The following CHODL variants were observed in gnomAD, a reference collection of about 807,000 sequenced individuals.
The protein encoded by CHODL is transmembrane protein MT75.
In CHODL, 29 loss-of-function variants were observed where a neutral mutation model predicts 34.5. The ratio of observed to expected loss-of-function variants is 0.84; its 90% CI spans 0.63 to 1.15. CHODL has a LOEUF of 1.15. CHODL is among the 50% of genes most tolerant of loss of function. The probability of loss-of-function intolerance (pLI) is 0.00; values close to 1 mark genes in which losing one functional copy is unlikely to be tolerated. For missense variants in CHODL, 332 were observed against 332.5 expected (o/e 1.00, Z 0.01); for synonymous variants, 125 against 116.1 (o/e 1.08, Z -0.49).
rs147138095 is a variant in CHODL, at chr21:17,994,808, G to A, written c.-144-33064G>A. On this transcript the variant is annotated intron_variant, in intron 1 of 6. Transcript: ENST00000400127. ...TGTGTGGTATGTGGGTGCCAGCAGT[G>A]GCAGTTAGTAGATTGAGCCTGTTTG... 5.6e-3 allele frequency among the ~76,000 whole-genome samples: 855 copies of A among 152,234 alleles called. 7 individuals are homozygous for A. Among genetic ancestry groups the A allele is most frequent in the African/African-American group, 0.014 (573 of 41,536 alleles).
intron 2 of CHODL, among the ~76,000 whole-genome samples, chr21:18,173,079 T>G (rs1225282040): frequency 6.6e-6 from 1 of 152,178 alleles, no homozygotes; most frequent in Non-Finnish European, 1.5e-5. Context: ...AGAAATATAA[T>G]ATCCCTCTCA....
intron 2 of CHODL, among the ~76,000 whole-genome samples, chr21:18,101,067 G>C (rs897997584): frequency 6.6e-6 from 1 of 152,108 alleles, no homozygotes. Context: ...TGATTCCCAC[G>C]TGTTGTGGGA....
At chr21:18,128,909 C>A (rs1329278480) in intron 2 of CHODL, among the ~76,000 whole-genome samples, 1 of 152,028 alleles carries the variant, frequency 6.6e-6, no homozygotes, top group Non-Finnish European at 1.5e-5. Context: ...GTATATAGTT[C>A]TTTTATCTCT....
intron 2 of CHODL, among the ~76,000 whole-genome samples, chr21:18,153,800 C>A (rs1320669764): frequency 2.0e-5 from 3 of 151,894 alleles, no homozygotes; most frequent in Non-Finnish European, 2.9e-5. Flanking sequence ...TATTAAGATA[C>A]CATAACTACT....
chr21:18,176,326 A>G (rs1369590245), intron 2 of CHODL, among the ~76,000 whole-genome samples: 2 of 152,222 alleles, frequency 1.3e-5, no homozygotes, highest in East Asian at 1.9e-4. Flanking sequence ...GTAGTCTGTT[A>G]GTTATATCTG....
chr21:18,091,213 C>G (rs1266256296), intron 2 of CHODL, among the ~76,000 whole-genome samples: 2 of 152,240 alleles, frequency 1.3e-5, no homozygotes, highest in Non-Finnish European at 2.9e-5. Flanking sequence ...AGTTTCTCAG[C>G]AAGCCTTGGC....
chr21:18,103,522 G>T (rs2065239432), intron 2 of CHODL, among the ~76,000 whole-genome samples: 1 of 151,902 alleles, frequency 6.6e-6, no homozygotes. Context: ...TGATTTTTTG[G>T]GTCAGGAATT....
intron 2 of CHODL, among the ~76,000 whole-genome samples, chr21:18,040,870 T>G (rs1483427604): frequency 1.3e-5 from 2 of 151,860 alleles, no homozygotes; most frequent in Admixed American, 6.6e-5. Context: ...TCTCTTTATT[T>G]CTTCATTTTT....
At chr21:18,130,520 T>C (rs1477276461) in intron 2 of CHODL, among the ~76,000 whole-genome samples, 1 of 152,162 alleles carries the variant, frequency 6.6e-6, no homozygotes, top group Non-Finnish European at 1.5e-5. Flanking sequence ...GTCAGAGGGA[T>C]AACAGGGCTG....
rs546526195 is a variant in CHODL, at chr21:17,930,394, A to G, written c.-145+12994A>G. On this transcript the variant is annotated intron_variant, in intron 1 of 6. Transcript: ENST00000400127. ...GAGACCAGCACCTGCATGTGCCACA[A>G]TGACCAGATCCACCACTGTTTATGC... 1.5e-3 allele frequency among the ~76,000 whole-genome samples: 210 copies of G among 138,040 alleles called. 1 individual carries two copies. The highest frequency in any genetic ancestry group is 3.9e-3 in the South Asian group (15 of 3,846). The allele number at this position is 138,040 out of a possible 152,430, so 90.6% of individuals were successfully genotyped here. A position where few individuals can be genotyped will look rare whatever the true frequency, so the allele number is the denominator to read the frequency against.
At chr21:18,098,439 C>T (rs2065168085) in intron 2 of CHODL, among the ~76,000 whole-genome samples, 1 of 151,874 alleles carries the variant, frequency 6.6e-6, no homozygotes, top group African/African-American at 2.4e-5. Flanking sequence ...ATACAAATGG[C>T]AAACAGGCAT....
intron 1 of CHODL, among the ~76,000 whole-genome samples, chr21:17,963,239 C>A (rs1323873699): frequency 1.3e-5 from 2 of 152,008 alleles, no homozygotes; most frequent in Non-Finnish European, 2.9e-5. Flanking sequence ...AGAACATATC[C>A]CAAAATAGAG....
intron 1 of CHODL, among the ~76,000 whole-genome samples, chr21:18,019,228 C>G (rs544205174): frequency 4.5e-4 from 68 of 152,134 alleles, no homozygotes; most frequent in Non-Finnish European, 8.8e-4. Context: ...AGAATAAAAG[C>G]AGGTATTCTT....
At chr21:18,104,636 C>T (rs895255885) in intron 2 of CHODL, among the ~76,000 whole-genome samples, 2 of 152,162 alleles carry the variant, frequency 1.3e-5, no homozygotes, top group Non-Finnish European at 2.9e-5. Context: ...TAAAAAGTGA[C>T]ATACTTGAAG....
chr21:18,198,717 A>C (rs1173344798), intron 2 of CHODL, among the ~76,000 whole-genome samples: 1 of 152,108 alleles, frequency 6.6e-6, no homozygotes, highest in Non-Finnish European at 1.5e-5. Flanking sequence ...CCATTATATT[A>C]ATATGTCATA....
intron 1 of CHODL, among the ~76,000 whole-genome samples, chr21:17,931,512 C>G (rs2063273505): frequency 6.6e-6 from 1 of 152,052 alleles, no homozygotes. Flanking sequence ...TGAGACATCC[C>G]CAAAGGATCG....
At chr21:18,056,545 T>A (rs112323083) in intron 2 of CHODL, among the ~76,000 whole-genome samples, 1,929 of 151,678 alleles carry the variant, frequency 0.013, 21 homozygotes, top group Middle Eastern at 0.082. Flanking sequence ...TGTTCTTCAA[T>A]TCTGGAAATA....
intron 2 of CHODL, among the ~76,000 whole-genome samples, chr21:18,106,728 C>T (rs1413254995): frequency 6.6e-6 from 1 of 152,136 alleles, no homozygotes; most frequent in Non-Finnish European, 1.5e-5. Flanking sequence ...ATCTCCTGAC[C>T]TTGTGATCCA....
Position 18,217,042 on chromosome 21 carries a change from G to A in CHODL, c.-44-39467G>A, listed in dbSNP as rs185058487. Among the ~76,000 whole-genome samples the A allele has an allele frequency of 9.2e-5, 14 of 152,080 alleles. No individual in the cohort carries two copies. The South Asian group carries it at 1.0e-3, about 11-fold the overall frequency. ...AATATATACCACATTTTCTTTATTC[G>A]TTAGTCTGTTTATAGACAAGTAATT... is the stretch of plus-strand genomic sequence containing the variant. On this transcript the variant is annotated intron_variant, in intron 2 of 6. Transcript: ENST00000400127.
Sources: allele counts gnomAD v4.1 joint callset (sites outside exome capture counted in the v4.1 genomes callset), GRCh38; gene constraint gnomAD v4.1.1; transcripts MANE v1.5; gene names NCBI Gene and HGNC (gene_info 2026-07-23, HGNC 2026-07-21).